The following DOK7 variants were observed in gnomAD, a reference collection of about 807,000 sequenced individuals.
The protein encoded by DOK7 is protein Dok-7.
A neutral mutation model predicts 30.7 loss-of-function variants in DOK7; 32 were observed. The observed-to-expected ratio is 1.04, with a 90% CI of 0.79 to 1.40. The LOEUF (loss-of-function observed/expected upper bound fraction) is 1.40. Among genes scored for constraint, DOK7 ranks in the 40% most tolerant of loss-of-function variants. DOK7 has a pLI of 0.00. For synonymous variants in DOK7, 447 were observed against 324.1 expected, an observed-to-expected ratio of 1.38 and a Z score of -4.07; for missense variants, 1,007 against 699.2, an observed-to-expected ratio of 1.44 and a Z score of -4.97.
downstream of DOK7, chr4:3,494,494 T>C (rs1394845270): frequency 3.0e-6 from 3 of 985,414 alleles, no homozygotes; most frequent in African/African-American, 1.7e-5. Context: ...CACCTTGTCC[T>C]AGTCCGTTGC....
chr4:3,481,822 G>A lies in DOK7; in HGVS notation c.533-3717G>A, dbSNP rs140262504. Among the ~76,000 whole-genome samples the A allele has an allele frequency of 2.7e-3, 407 of 152,330 alleles. 1 individual carries two copies. The highest frequency in any genetic ancestry group is 4.3e-3 in the South Asian group (21 of 4,830). ...TAATTGGCTCATTAAATGTCTGCGT[G>A]GAGGAGCATTTTCTTTCTCAAGCCG... On this transcript the variant is annotated intron_variant, in intron 4 of 6. Coordinates refer to ENST00000340083, the MANE Select transcript of DOK7 (RefSeq NM_173660.5).
Position 3,473,485 on chromosome 4 carries a change from G to A in DOK7, c.180G>A (p.Glu60=). Residue 60 remains glutamate (E), a synonymous_variant, in exon 3 of 7, where the codon GAG becomes GAA. Coordinates refer to ENST00000340083, the MANE Select transcript of DOK7 (RefSeq NM_173660.5). ...GGGAGCGCAGCAGCCTGACGCTAGA[G>A]GACATCTGCGGGCTGGAGCCCGGCC... The part of the protein sequence containing the change: ...GLRERSSLTL[E]DICGLEPGLP... The A allele has an allele frequency of 9.3e-6, 15 of 1,611,218 alleles. No individual in the cohort carries two copies. The highest frequency in any genetic ancestry group is 1.2e-5 in the Non-Finnish European group (14 of 1,179,802).
rs1553849944 is a variant in DOK7 at position 3,492,747 on chromosome 4, G to A, written c.773-12G>A. 1.9e-6 allele frequency: 3 copies of A among 1,611,800 alleles called. No individual in the cohort carries two copies. The highest frequency in any genetic ancestry group is 2.7e-5 in the African/African-American group (2 of 74,588). The stretch of plus-strand genomic sequence containing the variant: ...ACCCCCACAACTGCCTTGGCTTCCT[G>A]CTCTGTCTCAGGGGATGACCGCAGC... On this transcript the variant is annotated splice_polypyrimidine_tract_variant and intron_variant, in intron 6 of 6. Transcript: ENST00000340083.
At chr4:3,469,094 C>CTG (rs538128471) in intron 2 of DOK7, among the ~76,000 whole-genome samples, 1 of 140,770 alleles carries the variant, frequency 7.1e-6, no homozygotes, top group Non-Finnish European at 1.5e-5. Flanking sequence ...ATGTGTGTGC[C>CTG]TGTGTGTGCG....
At position 3,489,706 on chromosome 4, in the gene DOK7, G is replaced by T. The variant is rs768526890; in HGVS notation, c.682G>T (p.Glu228Ter). 3.8e-6 allele frequency: 6 copies of T among 1,564,390 alleles called. No homozygotes were observed. Among genetic ancestry groups the T allele is most frequent in the Non-Finnish European group, 5.2e-6 (6 of 1,154,600 alleles). The part of the protein sequence containing the change: ...DPSPPGPSTV[E>*]ERVAQEALET... The stretch of plus-strand genomic sequence containing the variant: ...AAGTCCCCCGGGACCCTCGACTGTG[G>T]AGGAGCGTGTGGCCCAGGAAGCCCT... The change falls in exon 6 of 7, where the codon GAG (glutamate) becomes TAG (stop). Residue 228 changes from glutamate (E) to a stop codon, truncating the protein, a stop_gained. Coordinates refer to ENST00000340083, the MANE Select transcript of DOK7 (RefSeq NM_173660.5). LOFTEE classifies it high-confidence loss of function.
At chr4:3,473,321 C>T in intron 2 of DOK7, 85 bp from the exon 3 acceptor site, 1 of 1,391,984 alleles carries the variant, frequency 7.2e-7, no homozygotes, top group Non-Finnish European at 9.9e-7. Context: ...GCCCGGGTCT[C>T]TGCACTGTCA....
Position 3,493,772 on chromosome 4 carries a change from C to A in DOK7, c.*271C>A. ...TGCTCAGCTGCTTCACTCCGTGTCC[C>A]CCACCCCTGAGGATCAGGTGAGTGC... On this transcript the variant is annotated 3_prime_UTR_variant, in exon 7 of 7. Coordinates refer to ENST00000340083, the MANE Select transcript of DOK7 (RefSeq NM_173660.5). 2 of 1,387,536 alleles carry A rather than the reference C, an allele frequency of 1.4e-6. No homozygotes were observed. Among genetic ancestry groups the A allele is most frequent in the Non-Finnish European group, 1.9e-6 (2 of 1,073,246 alleles). 86.0% of individuals were successfully genotyped at this position (1,387,536 alleles called of 1,614,324 possible). A position where few individuals can be genotyped will look rare whatever the true frequency, so the allele number is the denominator to read the frequency against.
intron 6 of DOK7, among the ~76,000 whole-genome samples, chr4:3,491,930 G>A (rs1361775340): frequency 6.6e-6 from 1 of 152,242 alleles, no homozygotes; most frequent in Non-Finnish European, 1.5e-5. Context: ...TCCGGCCAGT[G>A]CCCTCTGATC....
chr4:3,500,538 G>T (rs1227138272), intron 7 of DOK7: 2 of 1,475,608 alleles, frequency 1.4e-6, no homozygotes, highest in African/African-American at 2.8e-5. Flanking sequence ...GGAGGCAAAT[G>T]TCCCCAACTC....
chr4:3,471,649 C>G (rs1158632717), intron 2 of DOK7, among the ~76,000 whole-genome samples: 1 of 152,248 alleles, frequency 6.6e-6, no homozygotes, highest in African/African-American at 2.4e-5. Context: ...GCTCTGGTGA[C>G]GCATTTGAGG....
chr4:3,472,204 C>T (rs1477102092), intron 2 of DOK7, among the ~76,000 whole-genome samples: 1 of 152,254 alleles, frequency 6.6e-6, no homozygotes, highest in African/African-American at 2.4e-5. Flanking sequence ...AAGCTGAGCA[C>T]CATGTCTGCT....
At chr4:3,465,375 G>T (rs1156723523) in intron 2 of DOK7, among the ~76,000 whole-genome samples, 1 of 152,192 alleles carries the variant, frequency 6.6e-6, no homozygotes, top group Non-Finnish European at 1.5e-5. Context: ...CAGCGCTGGA[G>T]ACCACCTCCC....
intron 6 of DOK7, among the ~76,000 whole-genome samples, chr4:3,490,812 CA>C: frequency 1.7e-5 from 1 of 59,778 alleles, no homozygotes; most frequent in African/African-American, 7.7e-5. Flanking sequence ...CCCCCCCGCT[CA>C]TTCATTCCTG....
At position 3,493,211 on chromosome 4, in the gene DOK7, C is replaced by G. The variant is rs199606134; in HGVS notation, c.1225C>G (p.Arg409Gly). 3 of 1,611,844 alleles carry G rather than the reference C, an allele frequency of 1.9e-6. No individual in the cohort carries two copies. The highest frequency in any genetic ancestry group is 8.5e-7 in the Non-Finnish European group (1 of 1,179,638). Residue 409 changes from arginine to glycine, a missense_variant, in exon 7 of 7, where the codon CGC (arginine) becomes GGC (glycine). Coordinates refer to ENST00000340083, the MANE Select transcript of DOK7 (RefSeq NM_173660.5). ...CCTGCGGGCCCACTATGACACACCACGCAGCCTTTGCCTGGCTCCTAGAGA... is the reference window on the plus strand; with the variant it reads ...CCTGCGGGCCCACTATGACACACCAGGCAGCCTTTGCCTGGCTCCTAGAGA... The part of the protein sequence containing the change: ...TSLRAHYDTP[R>G]SLCLAPRDHS...
chr4:3,498,853 G>A (rs1729053045), downstream of DOK7, among the ~76,000 whole-genome samples: 3 of 152,252 alleles, frequency 2.0e-5, no homozygotes, highest in Admixed American at 6.5e-5. Context: ...GCCAGGCAGG[G>A]TTGGGGCAGA....
At chr4:3,491,907 G>A (rs796589671) in intron 6 of DOK7, among the ~76,000 whole-genome samples, 55 of 152,362 alleles carry the variant, frequency 3.6e-4, no homozygotes, top group African/African-American at 1.3e-3. Flanking sequence ...GCCAAGTGCA[G>A]GAGCCGTGCT....
downstream of DOK7, among the ~76,000 whole-genome samples, chr4:3,498,838 T>C (rs1341166931): frequency 6.6e-6 from 1 of 152,228 alleles, no homozygotes; most frequent in Non-Finnish European, 1.5e-5. Flanking sequence ...CCCCAGGGCC[T>C]CAGGGCCAGG....
chr4:3,490,641 GTTCATTTCCCTCCTGCTCA>G (rs1367211835), intron 6 of DOK7, among the ~76,000 whole-genome samples: 5 of 18,050 alleles, frequency 2.8e-4, no homozygotes, highest in African/African-American at 8.8e-4. Flanking sequence ...CCGCCTGCTC[GTTCATTTCCCTCCTGCTCA>G]TTCATTCCTC....
At chr4:3,486,734 C>G (rs1265755898) in intron 5 of DOK7, among the ~76,000 whole-genome samples, 3 of 151,902 alleles carry the variant, frequency 2.0e-5, no homozygotes, top group African/African-American at 7.3e-5. Flanking sequence ...TGGATGCACC[C>G]CTGCAGGTGT....
Sources: allele counts gnomAD v4.1 joint callset (sites outside exome capture counted in the v4.1 genomes callset), GRCh38; gene constraint gnomAD v4.1.1; transcripts MANE v1.5; gene names NCBI Gene and HGNC (gene_info 2026-07-23, HGNC 2026-07-21).